CIITA: variants seen among roughly 807,000 people sequenced by gnomAD.
The protein encoded by CIITA is class II major histocompatibility complex transactivator.
Under a neutral mutation model 115.1 loss-of-function variants are expected in CIITA, and 72 were observed. The observed-to-expected ratio is 0.63, with a 90% confidence interval of 0.52 to 0.76. The LOEUF (loss-of-function observed/expected upper bound fraction) is 0.76. Among genes scored for constraint, CIITA ranks in the 30% least tolerant of loss-of-function variants. The pLI is 0.00. For missense variants in CIITA, 1,617 were observed against 1,463.8 expected (o/e 1.10, Z -1.71); for synonymous variants, 763 against 635.6 (o/e 1.20, Z -3.02).
chr16:10,917,638 C>T (rs1017798549), intron 15 of CIITA, among the ~76,000 whole-genome samples: 1 of 152,044 alleles, frequency 6.6e-6, no homozygotes, highest in African/African-American at 2.4e-5. Context: ...CACCACTACA[C>T]CCAACTAATT....
rs980948588 is a variant in CIITA at position 10,932,949 on chromosome 16, A to G, written c.*9094A>G. ...AAAGTTTATGAATCTGTGTTGGGCC[A>G]CAGTCAAAGCCGTCCTGAGCTGTAT... On this transcript the variant is annotated 3_prime_UTR_variant, in exon 20 of 20. Transcript: ENST00000324288. The G allele has an allele frequency of 1.3e-5, 2 of 152,154 alleles. No individual in the cohort carries two copies. The highest frequency in any genetic ancestry group is 2.9e-5 in the Non-Finnish European group (2 of 68,040). 9.4% of individuals were successfully genotyped at this position (152,154 alleles called of 1,614,324 possible).
At chr16:10,866,394 C>T (rs772823973) in intron 1 of CIITA, 9 of 566,578 alleles carry the variant, frequency 1.6e-5, no homozygotes, top group Non-Finnish European at 2.4e-5. Flanking sequence ...AGGAGGACCT[C>T]CTCTCCAGGG....
In CIITA at chr16:10,902,041, A is replaced by G; in HGVS notation, c.485A>G (p.Glu162Gly). The change falls in exon 7 of 20, where the codon GAG becomes GGG. Residue 162 changes from glutamate (E) to glycine (G), a missense_variant. Glu to Gly is a moderately conservative substitution (Grantham distance 98). Transcript: ENST00000324288. ...PADLKHWKPAEPPTVVTGSLL... is the reference protein window; with the variant it reads ...PADLKHWKPAGPPTVVTGSLL... ...AACACAGCCCACTTCCTCACAGCTG[A>G]GCCCCCCACTGTGGTGACTGGCAGT... 6.2e-7 allele frequency: 1 copy of G among 1,614,012 alleles called. No individual in the cohort carries two copies. Among genetic ancestry groups the G allele is most frequent in the Admixed American group, 1.7e-5 (1 of 60,024 alleles).
Position 10,877,283 on chromosome 16 carries a change from G to C in CIITA, c.-48G>C. On this transcript the variant is annotated 5_prime_UTR_variant, in exon 1 of 20. Transcript: ENST00000324288. ...CTTGGGGAAGCTGAGGGCACGAGGA[G>C]GGGCTGCCAGACTCCGGGAGCTGCT... The C allele has an allele frequency of 6.3e-7, 1 of 1,591,176 alleles. No homozygotes were observed. The highest frequency in any genetic ancestry group is 8.6e-7 in the Non-Finnish European group (1 of 1,164,434).
downstream of CIITA, chr16:10,937,379 G>C (rs1357176861): frequency 6.6e-6 from 1 of 152,388 alleles, no homozygotes; most frequent in Non-Finnish European, 1.5e-5. The surrounding 1 kb of genome is among the most constrained non-coding windows in gnomAD (Gnocchi z 4.2). Flanking sequence ...TCTGACCTGG[G>C]CAGCTCTATG....
intron 13 of CIITA, among the ~76,000 whole-genome samples, chr16:10,911,362 CTCTGTTTCTTTCTTTCTT>C (rs1567431291): frequency 8.0e-6 from 1 of 125,494 alleles, no homozygotes; most frequent in African/African-American, 3.0e-5. Flanking sequence ...TTTTCTTTCT[CTCTGTTTCTTTCTTTCTT>C]TCTCTCTCTC....
rs374314327 is a variant in CIITA at position 10,907,862 on chromosome 16, G to C, written c.2370G>C (p.Ala790=). The change falls in exon 11 of 20, where the codon GCG becomes GCC. Residue 790 remains alanine (A), a synonymous_variant. Coordinates refer to ENST00000324288, the MANE Select transcript of CIITA (RefSeq NM_000246.4). The surrounding 1 kb of genome is among the most constrained non-coding windows in gnomAD (Gnocchi z 5.0). ...ASVDRKQKVL[A]RYLKRLQPGT... ...TGGACAGGAAGCAGAAGGTGCTTGC[G>C]AGGTACCTGAAGCGGCTGCAGCCGG... 3.1e-6 allele frequency: 5 copies of C among 1,610,790 alleles called. No individual in the cohort carries two copies. The highest frequency in any genetic ancestry group is 1.3e-5 in the African/African-American group (1 of 74,796).
At chr16:10,899,918 A>C (rs1181863511) in intron 5 of CIITA, among the ~76,000 whole-genome samples, 1 of 152,006 alleles carries the variant, frequency 6.6e-6, no homozygotes, top group African/African-American at 2.4e-5. Context: ...CGTCTCTACC[A>C]AAAAATACAA....
chr16:10,921,904 A>T (rs2040291298), intron 16 of CIITA, among the ~76,000 whole-genome samples: 1 of 152,218 alleles, frequency 6.6e-6, no homozygotes, highest in African/African-American at 2.4e-5. Flanking sequence ...GAACAAGAGA[A>T]CTAGTGGGAC....
chr16:10,896,754 C>T (rs956977556), intron 3 of CIITA, among the ~76,000 whole-genome samples: 1 of 152,228 alleles, frequency 6.6e-6, no homozygotes, highest in Non-Finnish European at 1.5e-5. Context: ...GGTCTTCTTC[C>T]TGCCAACCCA....
intron 13 of CIITA, among the ~76,000 whole-genome samples, chr16:10,913,273 TCCTTTCTTTCTTTCTTTC>T (rs376506556): frequency 8.1e-4 from 62 of 76,272 alleles, no homozygotes; most frequent in African/African-American, 2.3e-3. Context: ...TTTCTTTCCC[TCCTTTCTTTCTTTCTTTC>T]CCTTTCTTTC....
chr16:10,904,530 G>A (rs1004034396), intron 9 of CIITA, among the ~76,000 whole-genome samples: 8 of 152,160 alleles, frequency 5.3e-5, no homozygotes, highest in East Asian at 1.9e-4. Context: ...CTGATATTGC[G>A]ATTTTCTTTT....
chr16:10,901,526 A>T lies in CIITA; in HGVS notation c.449A>T (p.Glu150Val). The change falls in exon 6 of 20, where the codon GAG (glutamate) becomes GTG (valine). Residue 150 changes from glutamate to valine, a missense_variant. Coordinates refer to ENST00000324288, the MANE Select transcript of CIITA (RefSeq NM_000246.4). The surrounding 1 kb of genome is among the most constrained non-coding windows in gnomAD (Gnocchi z 6.8). The stretch of plus-strand genomic sequence containing the variant: ...GTTTTCTCTGCAGCCTTCCCAGAGG[A>T]GCTTCCGGCAGACCTGAAGCACTGG... ...QKSQKRPFPE[E>V]LPADLKHWKP... The T allele has an allele frequency of 6.2e-7, 1 of 1,613,844 alleles. No homozygotes were observed. The highest frequency in any genetic ancestry group is 8.5e-7 in the Non-Finnish European group (1 of 1,179,958).
At chr16:10,937,021 G>C (rs1375813490), downstream of CIITA, 1 of 152,226 alleles carries the variant, frequency 6.6e-6, no homozygotes, top group Non-Finnish European at 1.5e-5. This position sits in a 1 kb window ranked among gnomAD's most constrained non-coding sequence, Gnocchi z 4.2. Flanking sequence ...GACCCTGCCT[G>C]TTTCTTGGCT....
At chr16:10,916,066 A>C (rs913402525) in intron 14 of CIITA, among the ~76,000 whole-genome samples, 2 of 152,224 alleles carry the variant, frequency 1.3e-5, no homozygotes, top group African/African-American at 4.8e-5. Context: ...TGGGGAGCAT[A>C]GTCCTACTTT....
In CIITA at chr16:10,935,326, G is replaced by T. The variant is rs2040981930; in HGVS notation, c.*11471G>T. ...ATGATTATTTAGAGGAGAAAGTTCAGTTTGGTGCTGGTATATCTTATGTTT... is the reference window on the plus strand; with the variant it reads ...ATGATTATTTAGAGGAGAAAGTTCATTTTGGTGCTGGTATATCTTATGTTT... On this transcript the variant is annotated 3_prime_UTR_variant, in exon 20 of 20. Coordinates refer to ENST00000324288, the MANE Select transcript of CIITA (RefSeq NM_000246.4). 6.6e-6 allele frequency: 1 copy of T among 152,214 alleles called. No homozygotes were observed. The highest frequency in any genetic ancestry group is 6.5e-5 in the Admixed American group (1 of 15,280). The allele number at this position is 152,214 out of a possible 1,614,324, so 9.4% of individuals were successfully genotyped here. A position where few individuals can be genotyped will look rare whatever the true frequency, so the allele number is the denominator to read the frequency against.
intron 17 of CIITA, 60 bp from the exon 18 acceptor site, chr16:10,922,347 C>T (rs1169502603): frequency 1.3e-5 from 21 of 1,609,902 alleles, no homozygotes; most frequent in Non-Finnish European, 1.7e-5. Context: ...GTGGGGGTGG[C>T]CTTGGTCTGG....
chr16:10,895,654 G>A lies in CIITA; in HGVS notation c.200-15G>A, dbSNP rs764180607. 72 of 1,613,852 alleles carry A rather than the reference G, an allele frequency of 4.5e-5. No homozygotes were observed. In the Admixed American group the frequency reaches 1.2e-3, roughly 26 times the overall value. ...CAGAAATTTCCTTCTTCATCCAAGG[G>A]ACTTTTCCTCCCAGAACCCGACACA... On this transcript the variant is annotated splice_polypyrimidine_tract_variant and intron_variant, in intron 2 of 19. Transcript: ENST00000324288.
Position 10,908,416 on chromosome 16 carries a change from G to C in CIITA, c.2657+267G>C, listed in dbSNP as rs1199364576. 6 of 594,880 alleles carry C rather than the reference G, an allele frequency of 1.0e-5. No individual in the cohort carries two copies. In the East Asian group the frequency reaches 1.8e-4, roughly 18 times the overall value. The allele number at this position is 594,880 out of a possible 1,614,324, so 36.9% of individuals were successfully genotyped here. On this transcript the variant is annotated intron_variant, in intron 11 of 19. Coordinates refer to ENST00000324288, the MANE Select transcript of CIITA (RefSeq NM_000246.4). ...AGTCACTGGGGTATGTCTAGAATCT[G>C]AGACTGACCTGGGCTCAAATTTGTT... is the stretch of plus-strand genomic sequence containing the variant.
Sources: gnomAD v4.1 joint callset for allele counts (sites outside exome capture counted in the v4.1 genomes callset) on GRCh38, gnomAD v4.1.1 for gene constraint, Gnocchi (gnomAD v3.1) non-coding constraint, MANE v1.5 for transcripts, NCBI Gene and HGNC (gene_info 2026-07-23, HGNC 2026-07-21) for gene names.